The following MYO1D variants were observed in gnomAD, a reference collection of about 807,000 sequenced individuals.
MYO1D encodes myosin ID.
A neutral mutation model predicts 122.0 loss-of-function variants in MYO1D; 83 were observed. The observed-to-expected ratio is 0.68, with a 90% CI of 0.57 to 0.82. The LOEUF (loss-of-function observed/expected upper bound fraction) is 0.82, where lower values mean the gene tolerates loss of function less well. Ranked by LOEUF, MYO1D falls within the 40% of genes least tolerant of loss-of-function variation. The probability of loss-of-function intolerance (pLI) is 0.00; values close to 1 mark genes in which losing one functional copy is unlikely to be tolerated. For missense variants in MYO1D, 1,157 were observed against 1,269.5 expected (o/e 0.91, Z 1.35); for synonymous variants, 464 against 446.9 (o/e 1.04, Z -0.48).
intron 1 of MYO1D, among the ~76,000 whole-genome samples, chr17:32,793,203 T>TA (rs1221697358): frequency 1.3e-5 from 2 of 151,794 alleles, no homozygotes; most frequent in East Asian, 4.0e-4. Flanking sequence ...CATGGACACT[T>TA]ACTAGTTACT....
intron 19 of MYO1D, among the ~76,000 whole-genome samples, chr17:32,644,456 T>C (rs2039131870): frequency 6.6e-6 from 1 of 152,214 alleles, no homozygotes; most frequent in Admixed American, 6.5e-5. Context: ...TGAGTTCAAT[T>C]CCTGGATATC....
At chr17:32,755,719 A>C (rs2151013355) in intron 10 of MYO1D, 57 bp from the exon 11 acceptor site, 1 of 1,472,292 alleles carries the variant, frequency 6.8e-7, no homozygotes, top group Admixed American at 2.0e-5. Context: ...GCCAGGTTAA[A>C]CCCTGATGCT....
At chr17:32,560,092 C>T (rs2087104925) in intron 21 of MYO1D, among the ~76,000 whole-genome samples, 1 of 152,046 alleles carries the variant, frequency 6.6e-6, no homozygotes, top group South Asian at 2.1e-4. Flanking sequence ...CCCATCTCTA[C>T]TAAAAATACA....
rs73285645 is a variant in MYO1D, at chr17:32,874,723, G to C, written c.95+2055C>G. Among the ~76,000 whole-genome samples, 885 of 152,140 alleles carry C rather than the reference G, an allele frequency of 5.8e-3. 12 individuals carry two copies. The highest frequency in any genetic ancestry group is 0.019 in the African/African-American group (798 of 41,514). On this transcript the variant is annotated intron_variant, in intron 1 of 21. Coordinates refer to ENST00000318217, the MANE Select transcript of MYO1D (RefSeq NM_015194.3). Reference sequence around the variant, plus strand: ...GGATTGCTTGAGGCCAGGAATTCAAGAACAGTCTGCTCAACATAGCAACTC... The same window carrying C: ...GGATTGCTTGAGGCCAGGAATTCAACAACAGTCTGCTCAACATAGCAACTC...
chr17:32,511,371 G>A (rs990273137), intron 21 of MYO1D, among the ~76,000 whole-genome samples: 4 of 151,998 alleles, frequency 2.6e-5, no homozygotes, highest in African/African-American at 9.7e-5. Context: ...CTACAGGTGT[G>A]TGCTACCATG....
chr17:32,553,384 G>C (rs1328160932), intron 21 of MYO1D, among the ~76,000 whole-genome samples: 1 of 152,200 alleles, frequency 6.6e-6, no homozygotes, highest in Non-Finnish European at 1.5e-5. Flanking sequence ...AGTGGTTCCT[G>C]AAAGAGGAGT....
rs533049712 is a variant in MYO1D, at chr17:32,824,479, C to G, written c.96-43695G>C. ...TAGTACCCATAAAACTAACAGCTTA[C>G]TGTTTGTCCAGAGTTTGGGGTTCTG... On this transcript the variant is annotated intron_variant, in intron 1 of 21. Transcript: ENST00000318217. 2.6e-5 allele frequency among the ~76,000 whole-genome samples: 4 copies of G among 152,340 alleles called. No individual in the cohort carries two copies. The East Asian group carries it at 7.7e-4, about 29-fold the overall frequency.
intron 21 of MYO1D, among the ~76,000 whole-genome samples, chr17:32,557,837 A>C (rs145605986): frequency 7.6e-4 from 116 of 152,142 alleles, no homozygotes; most frequent in African/African-American, 2.7e-3. Flanking sequence ...TAAAATTCAA[A>C]TTGTGTTTAT....
At chr17:32,591,784 T>A (rs2087441146) in intron 21 of MYO1D, among the ~76,000 whole-genome samples, 1 of 152,164 alleles carries the variant, frequency 6.6e-6, no homozygotes, top group Admixed American at 6.5e-5. Flanking sequence ...GCCATCAAGC[T>A]TGAGCATAGG....
At chr17:32,871,829 G>C (rs1178306591) in intron 1 of MYO1D, among the ~76,000 whole-genome samples, 3 of 152,230 alleles carry the variant, frequency 2.0e-5, no homozygotes, top group African/African-American at 7.2e-5. Context: ...GACTCTCAGA[G>C]GGAGGGTGCA....
At chr17:32,504,378 G>A (rs1325284437) in intron 21 of MYO1D, among the ~76,000 whole-genome samples, 4 of 152,176 alleles carry the variant, frequency 2.6e-5, no homozygotes, top group African/African-American at 7.2e-5. Context: ...CTCATGGAGC[G>A]CCCAGGGTGG....
intron 20 of MYO1D, among the ~76,000 whole-genome samples, chr17:32,633,104 G>A (rs938468187): frequency 7.2e-5 from 11 of 151,846 alleles, no homozygotes; most frequent in African/African-American, 2.7e-4. Context: ...TATCACACAT[G>A]TGAAGTTCAG....
At chr17:32,860,832 C>T (rs545824783) in intron 1 of MYO1D, among the ~76,000 whole-genome samples, 9 of 152,248 alleles carry the variant, frequency 5.9e-5, no homozygotes, top group African/African-American at 1.9e-4. Flanking sequence ...GATTCCCTTC[C>T]GGCATTAAAA....
chr17:32,623,773 G>A (rs1341071375), intron 20 of MYO1D, among the ~76,000 whole-genome samples: 2 of 152,132 alleles, frequency 1.3e-5, no homozygotes, highest in African/African-American at 4.8e-5. Context: ...CTAGAAGTCC[G>A]AGATGAGGGT....
chr17:32,684,018 TC>T (rs1321043920), intron 16 of MYO1D, among the ~76,000 whole-genome samples: 1 of 152,186 alleles, frequency 6.6e-6, no homozygotes, highest in African/African-American at 2.4e-5. Context: ...TCCAGGTGCG[TC>T]CGTCACCCCT....
chr17:32,580,808 T>C (rs117754362), intron 21 of MYO1D, among the ~76,000 whole-genome samples: 2 of 152,308 alleles, frequency 1.3e-5, no homozygotes, highest in African/African-American at 2.4e-5. Context: ...TTTTTATATA[T>C]TGTTGGATTT....
At chr17:32,794,771 C>T (rs1323889981) in intron 1 of MYO1D, among the ~76,000 whole-genome samples, 2 of 152,062 alleles carry the variant, frequency 1.3e-5, no homozygotes, top group African/African-American at 2.4e-5. Flanking sequence ...AGGGCCAGAG[C>T]GCGCAAGGCC....
intron 20 of MYO1D, among the ~76,000 whole-genome samples, chr17:32,626,798 CA>C (rs1194134343): frequency 6.6e-6 from 1 of 151,816 alleles, no homozygotes. Context: ...CTCTTATTAA[CA>C]AAAAAAGAGA....
In MYO1D at chr17:32,659,224, G is replaced by C; in HGVS notation, c.2236C>G (p.Arg746Gly). The C allele has an allele frequency of 6.2e-7, 1 of 1,614,202 alleles. No individual in the cohort carries two copies. Among genetic ancestry groups the C allele is most frequent in the Non-Finnish European group, 8.5e-7 (1 of 1,180,038 alleles). ...VKSYIHEVAR[R>G]FHGVKTMRDY... ...CGCATGGTCTTGACGCCATGGAAGC[G>C]TCTGGCCACCTCGTGGATGTACGAC... Residue 746 changes from arginine (R) to glycine (G), a missense_variant, in exon 17 of 22, where the codon CGC (arginine) becomes GGC (glycine). Transcript: ENST00000318217.
Sources: allele counts gnomAD v4.1 joint callset (sites outside exome capture counted in the v4.1 genomes callset), GRCh38; gene constraint gnomAD v4.1.1; transcripts MANE v1.5; gene names NCBI Gene and HGNC (gene_info 2026-07-23, HGNC 2026-07-21).